Variants in KDM7A observed in about 807,000 individuals in gnomAD.
The protein encoded by KDM7A is lysine-specific demethylase 7A.
In KDM7A, 28 loss-of-function variants were observed where a neutral mutation model predicts 114.8. The observed-to-expected ratio is 0.24, with a 90% confidence interval of 0.18 to 0.33. KDM7A has a LOEUF of 0.33. Among genes scored for constraint, KDM7A ranks in the 10% least tolerant of loss-of-function variants. The probability of loss-of-function intolerance (pLI) is 1.00; values close to 1 mark genes in which losing one functional copy is unlikely to be tolerated. For missense variants in KDM7A, 942 were observed against 1,142.5 expected (o/e 0.82, Z 2.53); for synonymous variants, 423 against 397.8 (o/e 1.06, Z -0.75).
chr7:140,141,891 C>T (rs192998249), intron 1 of KDM7A, among the ~76,000 whole-genome samples: 2 of 148,738 alleles, frequency 1.3e-5, no homozygotes, highest in African/African-American at 4.9e-5. Context: ...GAGACTCTGT[C>T]TCAAAAAAAA....
intron 1 of KDM7A, among the ~76,000 whole-genome samples, chr7:140,144,474 G>A (rs1164294091): frequency 6.6e-6 from 1 of 152,026 alleles, no homozygotes; most frequent in African/African-American, 2.4e-5. Flanking sequence ...AAAGCACACG[G>A]GACAAAAGAA....
chr7:140,093,978 C>A, intron 18 of KDM7A, 78 bp downstream of exon 18: 2 of 879,742 alleles, frequency 2.3e-6, no homozygotes, highest in Non-Finnish European at 3.9e-6. Context: ...CTGGTTGTTA[C>A]AGTTTTAAAA....
At chr7:140,100,081 T>C (rs1015676773) in intron 12 of KDM7A, 58 bp from the exon 13 acceptor site, 1 of 1,586,642 alleles carries the variant, frequency 6.3e-7, no homozygotes, top group Non-Finnish European at 8.6e-7. Flanking sequence ...CCTGTTCGAC[T>C]GATGGAATAC....
intron 3 of KDM7A, 50 bp downstream of exon 3, chr7:140,133,489 C>T (rs746778729): frequency 1.6e-5 from 17 of 1,074,736 alleles, no homozygotes; most frequent in Admixed American, 3.6e-5. Flanking sequence ...CTCTATGAGA[C>T]GACATTCTTA....
At chr7:140,120,243 A>G (rs957396082) in intron 8 of KDM7A, among the ~76,000 whole-genome samples, 199 bp downstream of exon 8, 1 of 152,220 alleles carries the variant, frequency 6.6e-6, no homozygotes, top group African/African-American at 2.4e-5. Context: ...TTGTTGTTTT[A>G]GATTTGAAAT....
chr7:140,102,946 A>G (rs550123317), intron 11 of KDM7A, among the ~76,000 whole-genome samples: 2 of 152,142 alleles, frequency 1.3e-5, no homozygotes, highest in South Asian at 4.1e-4. Flanking sequence ...CACTTGCAAC[A>G]TTTTTTTACT....
intron 1 of KDM7A, among the ~76,000 whole-genome samples, chr7:140,147,694 G>A (rs1794353814): frequency 6.6e-6 from 1 of 152,202 alleles, no homozygotes; most frequent in Non-Finnish European, 1.5e-5. Context: ...GAGGATAGCT[G>A]ACAGCTTGCT....
chr7:140,100,839 C>T (rs1485518052), intron 12 of KDM7A, among the ~76,000 whole-genome samples: 1 of 150,388 alleles, frequency 6.6e-6, no homozygotes, highest in Non-Finnish European at 1.5e-5. Context: ...CGGCTCACTG[C>T]AAGCTCCGCC....
At chr7:140,139,674 T>C (rs957218149) in intron 1 of KDM7A, among the ~76,000 whole-genome samples, 1 of 151,398 alleles carries the variant, frequency 6.6e-6, no homozygotes, top group African/African-American at 2.4e-5. Context: ...ACAAAAAGAA[T>C]AGACAAAAAA....
intron 1 of KDM7A, among the ~76,000 whole-genome samples, chr7:140,150,827 C>CT (rs922394260): frequency 0.095 from 12,115 of 127,808 alleles, 892 homozygotes; most frequent in African/African-American, 0.18. Context: ...AATCTCTGTT[C>CT]TTTTTTTTTT....
chr7:140,143,216 T>C (rs568267414), intron 1 of KDM7A, among the ~76,000 whole-genome samples: 1 of 150,002 alleles, frequency 6.7e-6, no homozygotes, highest in South Asian at 2.1e-4. Context: ...AGAGTACATA[T>C]GATATATTCT....
intron 18 of KDM7A, 140 bp from the exon 19 acceptor site, chr7:140,092,217 T>C: frequency 1.4e-6 from 1 of 728,352 alleles, no homozygotes; most frequent in Non-Finnish European, 2.2e-6. Context: ...TAGCCACGGA[T>C]GACCACTCCT....
At chr7:140,140,015 C>T (rs1794244941) in intron 1 of KDM7A, among the ~76,000 whole-genome samples, 1 of 152,140 alleles carries the variant, frequency 6.6e-6, no homozygotes, top group Admixed American at 6.5e-5. Flanking sequence ...AAACAAGACT[C>T]CAGGCCCAGA....
intron 12 of KDM7A, among the ~76,000 whole-genome samples, chr7:140,100,667 T>TATATATATATACAC (rs1562945838): frequency 1.6e-4 from 7 of 43,284 alleles, no homozygotes; most frequent in Non-Finnish European, 1.9e-4. Context: ...AAGTTATATA[T>TATATATATATACAC]ATATATATAT....
intron 17 of KDM7A, 86 bp from the exon 18 acceptor site, chr7:140,094,224 G>GC: frequency 1.1e-6 from 1 of 871,706 alleles, no homozygotes; most frequent in Non-Finnish European, 2.0e-6. Context: ...ATGAAAGCAG[G>GC]TTGGGCGTGA....
intron 1 of KDM7A, among the ~76,000 whole-genome samples, chr7:140,161,882 A>G (rs1794523556): frequency 6.6e-6 from 1 of 152,206 alleles, no homozygotes; most frequent in African/African-American, 2.4e-5. Context: ...ATATATCAAA[A>G]GGTCTACACT....
chr7:140,113,732 C>A (rs1818469039), intron 9 of KDM7A, 150 bp from the exon 10 acceptor site: 2 of 471,752 alleles, frequency 4.2e-6, no homozygotes, highest in Non-Finnish European at 7.5e-6. Flanking sequence ...TGAAACAATT[C>A]AAAAAGACAA....
At chr7:140,132,802 A>G (rs1263795540) in intron 3 of KDM7A, among the ~76,000 whole-genome samples, 1 of 152,200 alleles carries the variant, frequency 6.6e-6, no homozygotes, top group Non-Finnish European at 1.5e-5. Context: ...GAGGAGAAAT[A>G]GCAGGGGTTT....
intron 1 of KDM7A, among the ~76,000 whole-genome samples, chr7:140,161,559 G>T (rs190619552): frequency 2.0e-5 from 3 of 148,470 alleles, no homozygotes; most frequent in African/African-American, 7.5e-5. Context: ...TTTTTTCTAC[G>T]GTGGGGGGGA....
Sources: gnomAD v4.1 joint callset for allele counts (sites outside exome capture counted in the v4.1 genomes callset) on GRCh38, gnomAD v4.1.1 for gene constraint, MANE v1.5 for transcripts, NCBI Gene and HGNC (gene_info 2026-07-23, HGNC 2026-07-21) for gene names.